Variants in DDX60 observed in about 807,000 individuals in gnomAD.
DDX60 encodes the protein probable ATP-dependent RNA helicase DDX60.
In DDX60, 165 loss-of-function variants were observed where a neutral mutation model predicts 212.8. That is an observed-to-expected ratio of 0.78 (90% CI 0.68 to 0.88). The LOEUF (loss-of-function observed/expected upper bound fraction) is 0.88. Among genes scored for constraint, DDX60 ranks in the 40% least tolerant of loss-of-function variants. The probability of loss-of-function intolerance (pLI) is 0.00; values close to 1 mark genes in which losing one functional copy is unlikely to be tolerated. For synonymous variants in DDX60, 703 were observed against 685.3 expected, an observed-to-expected ratio of 1.03 and a Z score of -0.40; for missense variants, 1,905 against 2,003.9, an observed-to-expected ratio of 0.95 and a Z score of 0.94.
rs1463574937 is a variant in DDX60 at position 168,306,676 on chromosome 4, C to T, written c.309G>A (p.Leu103=). 1 of 1,613,856 alleles carries T rather than the reference C, an allele frequency of 6.2e-7. No individual in the cohort carries two copies. The change falls in exon 5 of 38, where the codon TTG becomes TTA. Residue 103 remains leucine (L), a synonymous_variant. Coordinates refer to ENST00000393743, the MANE Select transcript of DDX60 (RefSeq NM_017631.6). Reference sequence around the variant, plus strand: ...GAAGATGAAGAATTAAAGCAGTTCTCAAAGAAAGAAGTTCAGGGAAGTTGA... The same window carrying T: ...GAAGATGAAGAATTAAAGCAGTTCTTAAAGAAAGAAGTTCAGGGAAGTTGA... ...AYFNFPELLS[L]RTALILHLQK...
intron 5 of DDX60, among the ~76,000 whole-genome samples, chr4:168,303,189 C>A (rs1000413997): frequency 2.0e-5 from 3 of 151,654 alleles, no homozygotes; most frequent in Admixed American, 1.3e-4. Context: ...GTAGTCCCAG[C>A]TGCTCAGGAG....
intron 17 of DDX60, among the ~76,000 whole-genome samples, chr4:168,273,609 G>C (rs1735197490): frequency 6.6e-6 from 1 of 152,006 alleles, no homozygotes; most frequent in Non-Finnish European, 1.5e-5. Flanking sequence ...TCAACCTAAA[G>C]TAAAATGGAA....
rs546918985 is a variant in DDX60, at chr4:168,267,893, G to A, written c.2877C>T (p.Ala959=). The A allele has an allele frequency of 8.1e-6, 13 of 1,613,280 alleles. No homozygotes were observed. The highest frequency in any genetic ancestry group is 3.3e-5 in the South Asian group (3 of 90,960). Reference sequence around the variant, plus strand: ...CTTGCAAGTAGTCTTTGGGAAAGCCGGCCTGACGACCCACATGTCTTTTAG... The same window carrying A: ...CTTGCAAGTAGTCTTTGGGAAAGCCAGCCTGACGACCCACATGTCTTTTAG... ...TASKRHVGRQ[A]GFPKDYLQVK... is the part of the protein sequence containing the mutation. The change falls in exon 21 of 38, where the codon GCC becomes GCT. Residue 959 remains alanine, a synonymous_variant. Transcript: ENST00000393743.
intron 26 of DDX60, among the ~76,000 whole-genome samples, chr4:168,254,892 G>A (rs1165024734): frequency 1.3e-5 from 2 of 152,166 alleles, no homozygotes; most frequent in Non-Finnish European, 2.9e-5. Context: ...GGTAGGAAGT[G>A]AGACTGATCG....
intron 3 of DDX60, among the ~76,000 whole-genome samples, chr4:168,310,059 T>C (rs1737062708): frequency 6.6e-6 from 1 of 152,156 alleles, no homozygotes; most frequent in African/African-American, 2.4e-5. Context: ...TTTTCCGAAT[T>C]AGTTAAATTG....
At chr4:168,284,648 AAG>A (rs764867330) in intron 12 of DDX60, among the ~76,000 whole-genome samples, 170 bp downstream of exon 12, 2 of 152,190 alleles carry the variant, frequency 1.3e-5, no homozygotes, top group African/African-American at 2.4e-5. Flanking sequence ...ACTGTCAATA[AAG>A]AGAGAGAGAA....
rs1330420526 is a variant in DDX60, at chr4:168,268,928, T to C, written c.2712A>G (p.Glu904=). Residue 904 remains glutamate (E), a synonymous_variant, in exon 20 of 38, where the codon GAA becomes GAG. Coordinates refer to ENST00000393743, the MANE Select transcript of DDX60 (RefSeq NM_017631.6). ...GACATCGGATCATGACAAGGAGATG[T>C]TCCCAGATTTCTGCTCCAATTTCTC... The part of the protein sequence containing the change: ...LGGEIGAEIW[E]HLLVMIRCPF... 6.3e-7 allele frequency: 1 copy of C among 1,591,710 alleles called. No individual in the cohort carries two copies. The highest frequency in any genetic ancestry group is 8.6e-7 in the Non-Finnish European group (1 of 1,165,802).
At chr4:168,280,672 G>T in intron 13 of DDX60, 82 bp from the exon 14 acceptor site, 1 of 1,431,392 alleles carries the variant, frequency 7.0e-7, no homozygotes, top group South Asian at 1.4e-5. Flanking sequence ...AATATTATGG[G>T]TGTATTGAAG....
chr4:168,227,208 ATG>A (rs538954920), intron 33 of DDX60, among the ~76,000 whole-genome samples: 189 of 119,864 alleles, frequency 1.6e-3, no homozygotes, highest in African/African-American at 6.8e-3. Flanking sequence ...CTTTGTGGGA[ATG>A]TTTTTTTTTT....
chr4:168,225,779 G>T, intron 33 of DDX60, 103 bp from the exon 34 acceptor site: 3 of 1,022,842 alleles, frequency 2.9e-6, no homozygotes, highest in South Asian at 3.3e-5. Flanking sequence ...TAATTCTATA[G>T]TTATCTATTA....
At chr4:168,285,307 A>T in intron 11 of DDX60, 86 bp downstream of exon 11, 1 of 808,650 alleles carries the variant, frequency 1.2e-6, no homozygotes, top group South Asian at 1.6e-5. Flanking sequence ...AATGTACTCT[A>T]ATCGTCTGCA....
At chr4:168,227,018 A>T (rs1192131259) in intron 33 of DDX60, among the ~76,000 whole-genome samples, 1 of 152,106 alleles carries the variant, frequency 6.6e-6, no homozygotes, top group African/African-American at 2.4e-5. Flanking sequence ...TCATTGCTAC[A>T]TTATAGCAGC....
chr4:168,252,030 A>G (rs145310349), intron 27 of DDX60, among the ~76,000 whole-genome samples: 4 of 152,348 alleles, frequency 2.6e-5, no homozygotes, highest in African/African-American at 7.2e-5. Context: ...TTTAGCTATA[A>G]TGTAAAAAGC....
chr4:168,255,590 A>T, intron 26 of DDX60, 121 bp downstream of exon 26: 1 of 800,188 alleles, frequency 1.2e-6, no homozygotes. Context: ...TACTCAATTT[A>T]GAAATAAGTC....
chr4:168,249,358 T>C (rs997927721), intron 28 of DDX60, among the ~76,000 whole-genome samples: 15 of 152,202 alleles, frequency 9.9e-5, no homozygotes, highest in African/African-American at 3.1e-4. Context: ...TTGTCATACA[T>C]GCCAATGGTT....
chr4:168,310,106 T>C (rs950336217), intron 3 of DDX60, among the ~76,000 whole-genome samples: 3 of 152,182 alleles, frequency 2.0e-5, no homozygotes, highest in Non-Finnish European at 4.4e-5. Context: ...ACCTTGCCAG[T>C]GAGGGAGACT....
At chr4:168,220,980 A>T (rs17611131) in intron 36 of DDX60, among the ~76,000 whole-genome samples, 5,451 of 152,240 alleles carry the variant, frequency 0.036, 138 homozygotes, top group Non-Finnish European at 0.054. Flanking sequence ...AAAACAGGAA[A>T]ATAAAGCTCA....
intron 1 of DDX60, among the ~76,000 whole-genome samples, chr4:168,314,163 A>C (rs1737261168): frequency 6.6e-6 from 1 of 152,082 alleles, no homozygotes; most frequent in Non-Finnish European, 1.5e-5. Flanking sequence ...CTTTCCTCTT[A>C]TATACCCTAT....
intron 32 of DDX60, among the ~76,000 whole-genome samples, chr4:168,237,072 G>C (rs1426704432): frequency 6.6e-6 from 1 of 151,590 alleles, no homozygotes; most frequent in East Asian, 1.9e-4. Context: ...TATTTTGGAG[G>C]TGTTGACATT....
Sources: allele counts gnomAD v4.1 joint callset (sites outside exome capture counted in the v4.1 genomes callset), GRCh38; gene constraint gnomAD v4.1.1; transcripts MANE v1.5; gene names NCBI Gene and HGNC (gene_info 2026-07-23, HGNC 2026-07-21).